SIN3A: variants seen among roughly 807,000 people sequenced by gnomAD.
The protein encoded by SIN3A is SIN3 transcription regulator family member A.
SIN3A carries 14 observed loss-of-function variants against 146.1 expected under a neutral mutation model. The ratio of observed to expected loss-of-function variants is 0.10; its 90% CI spans 0.06 to 0.15. SIN3A has a LOEUF of 0.15. Among genes scored for constraint, SIN3A ranks in the 10% least tolerant of loss-of-function variants. SIN3A has a pLI of 1.00. For synonymous variants in SIN3A, 572 were observed against 572.0 expected, an observed-to-expected ratio of 1.00 and a Z score of 0.00; for missense variants, 1,028 against 1,576.0, an observed-to-expected ratio of 0.65 and a Z score of 5.89.
At chr15:75,409,196 T>A (rs2073578822) in intron 8 of SIN3A, among the ~76,000 whole-genome samples, 1 of 150,664 alleles carries the variant, frequency 6.6e-6, no homozygotes, top group Non-Finnish European at 1.5e-5. Flanking sequence ...AGAGCAAGAC[T>A]CCATCTCAAA....
At chr15:75,434,347 TA>T (rs2074064740) in intron 1 of SIN3A, among the ~76,000 whole-genome samples, 1 of 152,250 alleles carries the variant, frequency 6.6e-6, no homozygotes, top group South Asian at 2.1e-4. Flanking sequence ...GCCTCACTAG[TA>T]ATAAAAAACG....
At chr15:75,442,221 G>C (rs1039103576) in intron 1 of SIN3A, among the ~76,000 whole-genome samples, 5 of 147,546 alleles carry the variant, frequency 3.4e-5, no homozygotes, top group Non-Finnish European at 5.9e-5. Flanking sequence ...CGTAACTTTG[G>C]CACCTGTCCA....
intron 17 of SIN3A, among the ~76,000 whole-genome samples, chr15:75,383,177 T>C (rs2073007670): frequency 6.6e-6 from 1 of 150,394 alleles, no homozygotes; most frequent in Non-Finnish European, 1.5e-5. Context: ...GTGGCTGACG[T>C]GTGAGAATCA....
chr15:75,387,308 T>C (rs992642305), intron 16 of SIN3A, among the ~76,000 whole-genome samples: 13 of 152,048 alleles, frequency 8.5e-5, no homozygotes, highest in Non-Finnish European at 1.9e-4. Context: ...GTGAATTGCT[T>C]GAGCCCATAA....
chr15:75,434,996 G>A (rs1217961739), intron 1 of SIN3A, among the ~76,000 whole-genome samples: 1 of 151,020 alleles, frequency 6.6e-6, no homozygotes, highest in East Asian at 1.9e-4. Context: ...AAAAAAAAAA[G>A]ATGACAGTGT....
At chr15:75,426,121 G>A (rs1208742550) in intron 2 of SIN3A, among the ~76,000 whole-genome samples, 2 of 152,122 alleles carry the variant, frequency 1.3e-5, no homozygotes, top group East Asian at 1.9e-4. Context: ...GTTTCCATTC[G>A]GAAGAAATTT....
chr15:75,396,443 T>A lies in SIN3A; in HGVS notation c.1908A>T (p.Ile636=), dbSNP rs1330910882. The change falls in exon 13 of 21, where the codon ATA becomes ATT. Residue 636 remains isoleucine, a synonymous_variant. Coordinates refer to ENST00000394947, the MANE Select transcript of SIN3A (RefSeq NM_001145358.2). ...CAGACAAGCGGGAAAGCTTCTTCTGTATTGCTTCCAGAACCCGGATTGTTG... is the reference window on the plus strand; with the variant it reads ...CAGACAAGCGGGAAAGCTTCTTCTGAATTGCTTCCAGAACCCGGATTGTTG... ...NLATIRVLEA[I]QKKLSRLSAE... The A allele has an allele frequency of 4.3e-6, 7 of 1,614,018 alleles. No individual in the cohort carries two copies. Among genetic ancestry groups the A allele is most frequent in the Non-Finnish European group, 5.1e-6 (6 of 1,180,034 alleles).
intron 6 of SIN3A, 89 bp downstream of exon 6, chr15:75,411,403 T>C: frequency 7.7e-7 from 1 of 1,299,186 alleles, no homozygotes; most frequent in South Asian, 1.5e-5. Context: ...CCAGTATGAA[T>C]TAATGGACAC....
chr15:75,394,994 T>C (rs1382532427), intron 13 of SIN3A, 131 bp from the exon 14 acceptor site: 4 of 728,668 alleles, frequency 5.5e-6, no homozygotes, highest in South Asian at 2.1e-5. Context: ...TACTGGCAAC[T>C]TGGGATGCTA....
chr15:75,380,840 CA>C (rs1226036942), intron 18 of SIN3A, 117 bp from the exon 19 acceptor site: 6 of 698,804 alleles, frequency 8.6e-6, no homozygotes, highest in Non-Finnish European at 1.5e-5. Context: ...ATTTCAAGAT[CA>C]AAAAAGTCCC....
intron 16 of SIN3A, among the ~76,000 whole-genome samples, chr15:75,385,076 G>A (rs553690415): frequency 6.6e-6 from 1 of 152,256 alleles, no homozygotes; most frequent in East Asian, 1.9e-4. Context: ...GGGAGGCTGG[G>A]GCAGGAGAAT....
At chr15:75,447,638 T>A (rs1403753932) in intron 1 of SIN3A, 2 of 152,196 alleles carry the variant, frequency 1.3e-5, no homozygotes, top group Admixed American at 1.3e-4. Context: ...AAACTAGTTG[T>A]GGAACTAGAC....
At chr15:75,455,119 C>G (rs906192944), upstream of SIN3A, 1 of 151,284 alleles carries the variant, frequency 6.6e-6, no homozygotes, top group African/African-American at 2.4e-5. Context: ...CCACAGTGCC[C>G]GCGCCTCTCC....
chr15:75,411,779 C>T, intron 5 of SIN3A, 36 bp from the exon 6 acceptor site: 1 of 1,532,252 alleles, frequency 6.5e-7, no homozygotes, highest in African/African-American at 1.4e-5. Context: ...TCTTCAGATG[C>T]ATAGATGAGT....
Position 75,371,885 on chromosome 15 carries a change from G to C in SIN3A, c.*94C>G. 1 of 1,178,966 alleles carries C rather than the reference G, an allele frequency of 8.5e-7. No individual in the cohort carries two copies. Among genetic ancestry groups the C allele is most frequent in the Non-Finnish European group, 1.2e-6 (1 of 813,018 alleles). The allele number at this position is 1,178,966 out of a possible 1,614,324, so 73.0% of individuals were successfully genotyped here. A position where few individuals can be genotyped will look rare whatever the true frequency, so the allele number is the denominator to read the frequency against. On this transcript the variant is annotated 3_prime_UTR_variant, in exon 21 of 21. Coordinates refer to ENST00000394947, the MANE Select transcript of SIN3A (RefSeq NM_001145358.2). ...GTCCCAGAGAGGCCCAGTGAGGCTT[G>C]AAAGGCATCTTCCTTGTTTCTTCAG...
chr15:75,443,833 C>A (rs894586331), intron 1 of SIN3A: 1 of 152,212 alleles, frequency 6.6e-6, no homozygotes, highest in Non-Finnish European at 1.5e-5. Context: ...ATCACTTGAG[C>A]CCAGAAGTTT....
rs187557532 is a variant in SIN3A, at chr15:75,410,273, T to C, written c.1022A>G (p.Asn341Ser). 6.2e-7 allele frequency: 1 copy of C among 1,613,288 alleles called. No homozygotes were observed. Among genetic ancestry groups the C allele is most frequent in the Admixed American group, 1.7e-5 (1 of 59,780 alleles). Residue 341 changes from asparagine to serine, a missense_variant, in exon 7 of 21, where the codon AAT becomes AGT. By Grantham distance (46) the Asn-to-Ser change is conservative (BLOSUM62 1). Coordinates refer to ENST00000394947, the MANE Select transcript of SIN3A (RefSeq NM_001145358.2). ...ILHTYQKEQR[N>S]AKEAGGNYTP... ...GTAGTTTCCTCCAGCTTCCTTGGCA[T>C]TTCTCTGCTCTTTCTGAGGAATTGC...
At chr15:75,402,660 A>G (rs1426090153) in intron 9 of SIN3A, among the ~76,000 whole-genome samples, 1 of 152,214 alleles carries the variant, frequency 6.6e-6, no homozygotes, top group African/African-American at 2.4e-5. Context: ...TTTTAAACGC[A>G]GTCCAGCACT....
rs747923563 is a variant in SIN3A, at chr15:75,396,431, A to T, written c.1920T>A (p.Leu640=). The T allele has an allele frequency of 1.9e-6, 3 of 1,614,076 alleles. No homozygotes were observed. Among genetic ancestry groups the T allele is most frequent in the Non-Finnish European group, 2.5e-6 (3 of 1,179,970 alleles). ...CTTGTTCTTCAGCAGACAAGCGGGA[A>T]AGCTTCTTCTGTATTGCTTCCAGAA... ...IRVLEAIQKK[L]SRLSAEEQAK... The change falls in exon 13 of 21, where the codon CTT becomes CTA. Residue 640 remains leucine, a synonymous_variant. Transcript: ENST00000394947.
Sources: allele counts gnomAD v4.1 joint callset (sites outside exome capture counted in the v4.1 genomes callset), GRCh38; gene constraint gnomAD v4.1.1; transcripts MANE v1.5; gene names NCBI Gene and HGNC (gene_info 2026-07-23, HGNC 2026-07-21).